Variants in PPP1R8 observed in about 807,000 individuals in gnomAD.
PPP1R8 encodes protein phosphatase 1 regulatory subunit 8, also known as nuclear inhibitor of protein phosphatase 1.
PPP1R8 carries 4 observed loss-of-function variants against 31.3 expected under a neutral mutation model. That is an observed-to-expected ratio of 0.13 (90% confidence interval 0.06 to 0.29). The LOEUF (loss-of-function observed/expected upper bound fraction) is 0.29, where lower values mean the gene tolerates loss of function less well. Ranked by LOEUF, PPP1R8 falls within the 10% of genes least tolerant of loss-of-function variation. The pLI is 1.00. For missense variants in PPP1R8, 254 were observed against 440.1 expected (o/e 0.58, Z 3.78); for synonymous variants, 170 against 169.7 (o/e 1.00, Z -0.01).
chr1:27,838,915 C>T (rs918457390), intron 3 of PPP1R8, 63 bp downstream of exon 3: 1 of 1,381,882 alleles, frequency 7.2e-7, no homozygotes, highest in Non-Finnish European at 9.7e-7. Context: ...TCTTTGGGTT[C>T]TTTAGTTTGG....
At chr1:27,831,430 A>G (rs1298429082) in intron 1 of PPP1R8, 1 of 880,372 alleles carries the variant, frequency 1.1e-6, no homozygotes, top group Non-Finnish European at 1.4e-6. Flanking sequence ...GGCATTAGTA[A>G]TGGTTGGCAT....
chr1:27,831,398 C>T (rs2089104655), intron 1 of PPP1R8: 2 of 970,266 alleles, frequency 2.1e-6, no homozygotes, highest in Non-Finnish European at 1.2e-6. Context: ...CCTCAGGGAG[C>T]TCCCAGTCTG....
chr1:27,838,657 T>C, intron 2 of PPP1R8, 42 bp from the exon 3 acceptor site: 4 of 1,321,822 alleles, frequency 3.0e-6, no homozygotes, highest in Non-Finnish European at 4.0e-6. Context: ...TAAATGCTGT[T>C]GAAACAAGAT....
chr1:27,846,953 GT>G, intron 5 of PPP1R8, 74 bp from the exon 6 acceptor site: 3 of 1,225,146 alleles, frequency 2.4e-6, no homozygotes. Context: ...GTGATGGTTT[GT>G]TTGCAGTGAC....
At chr1:27,838,677 A>G in intron 2 of PPP1R8, 22 bp from the exon 3 acceptor site, 1 of 1,400,880 alleles carries the variant, frequency 7.1e-7, no homozygotes, top group Non-Finnish European at 9.5e-7. Flanking sequence ...TTTAAGTAAT[A>G]TTTAATTTAA....
chr1:27,835,320 C>T (rs541662626), intron 2 of PPP1R8, among the ~76,000 whole-genome samples: 1 of 152,266 alleles, frequency 6.6e-6, no homozygotes, highest in East Asian at 1.9e-4. Flanking sequence ...AGATTCAGCC[C>T]AAATAACTAT....
Position 27,850,333 on chromosome 1 carries a change from C to T in PPP1R8, c.943C>T (p.Pro315Ser). The change falls in exon 7 of 7, where the codon CCT (proline) becomes TCT (serine). Residue 315 changes from proline to serine, a missense_variant. By Grantham distance (74) the Pro-to-Ser change is moderately conservative. Around this residue, in one of 6 missense-constraint regions of PPP1R8, gnomAD observed 105 missense variants for 128.0 expected, o/e 0.82. Transcript: ENST00000311772. ...PVVPSAVNMN[P>S]APNPAVYNPE... The stretch of plus-strand genomic sequence containing the variant: ...TGTGCCGTCAGCAGTGAACATGAAC[C>T]CTGCACCAAACCCTGCAGTCTATAA... The T allele has an allele frequency of 1.9e-6, 3 of 1,614,186 alleles. No individual in the cohort carries two copies. Among genetic ancestry groups the T allele is most frequent in the Admixed American group, 3.3e-5 (2 of 60,020 alleles).
At chr1:27,843,785 T>C (rs1421963345) in intron 5 of PPP1R8, among the ~76,000 whole-genome samples, 1 of 151,480 alleles carries the variant, frequency 6.6e-6, no homozygotes, top group Non-Finnish European at 1.5e-5. Context: ...GAACCCTGTC[T>C]CTACAAAAAA....
At chr1:27,847,328 GAA>G (rs1181390599) in intron 6 of PPP1R8, among the ~76,000 whole-genome samples, 1 of 151,896 alleles carries the variant, frequency 6.6e-6, no homozygotes, top group African/African-American at 2.4e-5. Context: ...CCAACATGGT[GAA>G]ACCCTGTCTC....
intron 3 of PPP1R8, among the ~76,000 whole-genome samples, chr1:27,839,332 A>G (rs3766394): frequency 0.051 from 7,772 of 152,214 alleles, 416 homozygotes; most frequent in East Asian, 0.25. Flanking sequence ...GTTTGAGACC[A>G]GCCTGGCCAA....
At chr1:27,832,935 G>T in intron 2 of PPP1R8, 119 bp downstream of exon 2, 6 of 835,286 alleles carry the variant, frequency 7.2e-6, no homozygotes, top group East Asian at 2.7e-5. Context: ...CTTTCATCCT[G>T]ATTTTTTTTT....
chr1:27,849,024 C>G (rs190271623), intron 6 of PPP1R8, among the ~76,000 whole-genome samples: 1 of 152,246 alleles, frequency 6.6e-6, no homozygotes, highest in East Asian at 1.9e-4. Flanking sequence ...CCCAGGCAGC[C>G]AGTAAATATT....
chr1:27,848,064 A>G (rs899644170), intron 6 of PPP1R8, among the ~76,000 whole-genome samples: 7 of 152,146 alleles, frequency 4.6e-5, no homozygotes, highest in African/African-American at 1.7e-4. Context: ...ATGAGTGGCA[A>G]TGGCACAGAT....
At chr1:27,840,890 A>C in intron 3 of PPP1R8, 124 bp from the exon 4 acceptor site, 1 of 986,866 alleles carries the variant, frequency 1.0e-6, no homozygotes, top group Non-Finnish European at 1.5e-6. Context: ...AAACAGACAA[A>C]AAAGCAAAAC....
chr1:27,831,057 C>A (rs994354241), intron 1 of PPP1R8, 166 bp downstream of exon 1: 1 of 1,391,482 alleles, frequency 7.2e-7, no homozygotes, highest in Non-Finnish European at 9.3e-7. Context: ...TGTTGAAGAA[C>A]CGAGAGCCTG....
chr1:27,838,599 G>A, intron 2 of PPP1R8, 100 bp from the exon 3 acceptor site: 2 of 749,126 alleles, frequency 2.7e-6, no homozygotes, highest in Non-Finnish European at 1.9e-6. Flanking sequence ...CAATCTAATG[G>A]AAAGGAATTT....
intron 6 of PPP1R8, among the ~76,000 whole-genome samples, chr1:27,847,852 G>A (rs1395075043): frequency 1.3e-5 from 2 of 152,220 alleles, no homozygotes; most frequent in Non-Finnish European, 2.9e-5. Flanking sequence ...GAATCCTGGA[G>A]TACCACAGAA....
intron 2 of PPP1R8, chr1:27,834,466 G>A (rs756047693): frequency 1.9e-6 from 1 of 519,126 alleles, no homozygotes. Context: ...GATGTGTTGT[G>A]ATAGCTGGGT....
chr1:27,850,641 T>C lies in PPP1R8; in HGVS notation c.*195T>C, dbSNP rs182429662. The C allele has an allele frequency of 7.1e-6, 4 of 566,850 alleles. No individual in the cohort carries two copies. In the Admixed American group the frequency reaches 1.2e-4, roughly 17 times the overall value. The allele number at this position is 566,850 out of a possible 1,614,324, so 35.1% of individuals were successfully genotyped here. ...CCATAAAGACCTGTCTTCACAACACTTGCATTGTAGAGAAAGGCTTCTTAT... is the reference window on the plus strand; with the variant it reads ...CCATAAAGACCTGTCTTCACAACACCTGCATTGTAGAGAAAGGCTTCTTAT... On this transcript the variant is annotated 3_prime_UTR_variant, in exon 7 of 7. Coordinates refer to ENST00000311772, the MANE Select transcript of PPP1R8 (RefSeq NM_014110.5).
Sources: gnomAD v4.1 joint callset for allele counts (sites outside exome capture counted in the v4.1 genomes callset) on GRCh38, gnomAD v4.1.1 for gene constraint, gnomAD v4.1.1 regional missense constraint, MANE v1.5 for transcripts, NCBI Gene and HGNC (gene_info 2026-07-23, HGNC 2026-07-21) for gene names.